ST7: variants seen among roughly 807,000 people sequenced by gnomAD.
ST7 encodes suppressor of tumorigenicity 7 protein.
A neutral mutation model predicts 78.7 loss-of-function variants in ST7; 28 were observed. The observed-to-expected ratio is 0.36, with a 90% CI of 0.26 to 0.49. ST7 has a LOEUF of 0.49. Among genes scored for constraint, ST7 ranks in the 20% least tolerant of loss-of-function variants. The pLI is 0.99. For missense variants in ST7, 418 were observed against 696.0 expected (o/e 0.60, Z 4.49); for synonymous variants, 247 against 249.6 (o/e 0.99, Z 0.10).
intron 9 of ST7, among the ~76,000 whole-genome samples, chr7:117,148,645 C>T (rs1276697151): frequency 2.0e-5 from 3 of 152,192 alleles, no homozygotes; most frequent in African/African-American, 7.2e-5. Context: ...TCCCAACTCA[C>T]TAAGATCCAT....
chr7:117,033,246 G>A (rs1290539598), intron 1 of ST7, among the ~76,000 whole-genome samples: 1 of 152,070 alleles, frequency 6.6e-6, no homozygotes, highest in East Asian at 1.9e-4. Context: ...AATAGAAATG[G>A]CAGCATTGAA....
At chr7:117,014,133 T>C (rs753913671) in intron 1 of ST7, among the ~76,000 whole-genome samples, 18 of 152,048 alleles carry the variant, frequency 1.2e-4, no homozygotes, top group Non-Finnish European at 2.1e-4. Flanking sequence ...AGGGTGGGGG[T>C]TGGAAATTGT....
chr7:117,056,029 G>A (rs1563047336), intron 1 of ST7, among the ~76,000 whole-genome samples: 2 of 152,118 alleles, frequency 1.3e-5, no homozygotes, highest in African/African-American at 2.4e-5. Flanking sequence ...GTCGAGGCCA[G>A]TCTTGTTTGT....
intron 13 of ST7, among the ~76,000 whole-genome samples, chr7:117,210,864 C>T (rs1201121111): frequency 6.6e-6 from 1 of 152,194 alleles, no homozygotes; most frequent in East Asian, 1.9e-4. Flanking sequence ...CAATATGAAG[C>T]ATGGGTTTCT....
intron 1 of ST7, among the ~76,000 whole-genome samples, chr7:116,961,494 A>G (rs1046159390): frequency 2.1e-4 from 31 of 150,548 alleles, no homozygotes; most frequent in African/African-American, 7.6e-4. Context: ...GATCTCTTTG[A>G]GCAGTGTTTT....
At chr7:117,203,030 A>G (rs75664802) in intron 12 of ST7, among the ~76,000 whole-genome samples, 534 of 152,296 alleles carry the variant, frequency 3.5e-3, no homozygotes, top group African/African-American at 0.012. Context: ...TCCCATGAAT[A>G]TTATATTTTC....
intron 1 of ST7, among the ~76,000 whole-genome samples, chr7:117,033,394 G>T (rs1449176371): frequency 6.6e-6 from 1 of 151,120 alleles, no homozygotes; most frequent in Non-Finnish European, 1.5e-5. Context: ...GCTTTATATT[G>T]ATTTGTATTA....
intron 1 of ST7, among the ~76,000 whole-genome samples, chr7:117,093,839 ATTAC>A (rs968688904): frequency 6.6e-6 from 1 of 152,218 alleles, no homozygotes; most frequent in Non-Finnish European, 1.5e-5. Context: ...CAAGATAGGT[ATTAC>A]TTTTAAAATT....
chr7:117,031,060 A>G (rs917841789), intron 1 of ST7, among the ~76,000 whole-genome samples: 1 of 152,166 alleles, frequency 6.6e-6, no homozygotes, highest in Non-Finnish European at 1.5e-5. Flanking sequence ...ACTGGAGGCC[A>G]TTATCCTTAG....
intron 1 of ST7, among the ~76,000 whole-genome samples, chr7:117,036,299 A>G (rs774621559): frequency 2.6e-5 from 4 of 152,236 alleles, no homozygotes; most frequent in Non-Finnish European, 4.4e-5. Context: ...GGTCACTGCT[A>G]CAAGTGACTG....
intron 10 of ST7, among the ~76,000 whole-genome samples, chr7:117,185,838 G>A (rs530763944): frequency 4.3e-4 from 65 of 152,270 alleles, no homozygotes; most frequent in Admixed American, 3.7e-3. Flanking sequence ...CAGGAGAATC[G>A]CTTGAACCCA....
At chr7:117,227,579 G>A (rs1165979426) in intron 15 of ST7, among the ~76,000 whole-genome samples, 1 of 152,134 alleles carries the variant, frequency 6.6e-6, no homozygotes, top group African/African-American at 2.4e-5. Flanking sequence ...ATATAATTAT[G>A]TATGTACACA....
chr7:117,111,045 T>C (rs1314489382), intron 2 of ST7, among the ~76,000 whole-genome samples: 1 of 152,164 alleles, frequency 6.6e-6, no homozygotes, highest in Non-Finnish European at 1.5e-5. Context: ...ATAACTACAG[T>C]GTGTACAGCT....
chr7:117,082,360 ACTT>A (rs1251738199), intron 1 of ST7, among the ~76,000 whole-genome samples: 3 of 152,228 alleles, frequency 2.0e-5, no homozygotes, highest in African/African-American at 7.2e-5. Flanking sequence ...CAATTTGACT[ACTT>A]AATGCTGGTA....
chr7:117,124,240 A>C (rs886496661), intron 3 of ST7, among the ~76,000 whole-genome samples: 1 of 152,158 alleles, frequency 6.6e-6, no homozygotes, highest in Non-Finnish European at 1.5e-5. Context: ...ATTTGGTTCC[A>C]ATAATAATAA....
At chr7:117,192,518 C>T (rs1809878954) in intron 12 of ST7, among the ~76,000 whole-genome samples, 1 of 152,152 alleles carries the variant, frequency 6.6e-6, no homozygotes, top group African/African-American at 2.4e-5. Flanking sequence ...TCTTTGAAAA[C>T]ATTTGAGCAC....
chr7:116,970,172 G>A (rs1322719030), intron 1 of ST7, among the ~76,000 whole-genome samples: 1 of 152,194 alleles, frequency 6.6e-6, no homozygotes, highest in Non-Finnish European at 1.5e-5. Flanking sequence ...GGCCCTGTTT[G>A]GAGGCTGCTG....
chr7:117,179,943 A>G (rs1324899001), intron 10 of ST7, among the ~76,000 whole-genome samples: 3 of 152,304 alleles, frequency 2.0e-5, no homozygotes, highest in East Asian at 1.9e-4. Flanking sequence ...CTCTGACACT[A>G]TAGTGGAGCA....
chr7:117,031,895 T>TTGGCAATGGAGTCTTGC (rs1796616122), intron 1 of ST7, among the ~76,000 whole-genome samples: 4 of 134,366 alleles, frequency 3.0e-5, no homozygotes, highest in Admixed American at 7.8e-5. Flanking sequence ...TTTTTTTTTT[T>TTGGCAATGGAGTCTTGC]TTTGGCAATG....
Sources: gnomAD v4.1 joint callset for allele counts (sites outside exome capture counted in the v4.1 genomes callset) on GRCh38, gnomAD v4.1.1 for gene constraint, MANE v1.5 for transcripts, NCBI Gene and HGNC (gene_info 2026-07-23, HGNC 2026-07-21) for gene names.